Variants in DAB1 observed in about 807,000 individuals in gnomAD.
DAB1 encodes the protein disabled homolog 1.
A neutral mutation model predicts 64.6 loss-of-function variants in DAB1; 15 were observed. The ratio of observed to expected loss-of-function variants is 0.23; its 90% confidence interval spans 0.16 to 0.36. The LOEUF (loss-of-function observed/expected upper bound fraction) is 0.36, where lower values mean the gene tolerates loss of function less well. Ranked by LOEUF, DAB1 falls within the 10% of genes least tolerant of loss-of-function variation. The pLI, the probability that DAB1 is intolerant of heterozygous loss-of-function variation, is 1.00. For synonymous variants in DAB1, 235 were observed against 251.9 expected (o/e 0.93, Z 0.64); for missense variants, 596 against 706.7 (o/e 0.84, Z 1.78).
intron 7 of DAB1, among the ~76,000 whole-genome samples, chr1:57,468,202 A>C (rs1180296919): frequency 7.9e-5 from 12 of 152,164 alleles, no homozygotes; most frequent in Non-Finnish European, 1.6e-4. Flanking sequence ...GAGCTCAGTG[A>C]GTGAGTCAAG....
chr1:57,931,611 T>C (rs1644954136), intron 5 of DAB1, among the ~76,000 whole-genome samples: 1 of 152,212 alleles, frequency 6.6e-6, no homozygotes, highest in Non-Finnish European at 1.5e-5. Context: ...ATCCATTTCA[T>C]CTAGGCTATC....
At chr1:58,526,095 CAA>C (rs1231447237) in intron 2 of DAB1, among the ~76,000 whole-genome samples, 1 of 151,960 alleles carries the variant, frequency 6.6e-6, no homozygotes, top group Non-Finnish European at 1.5e-5. Context: ...CTGAGATAAA[CAA>C]AGATTTCCTA....
At chr1:57,094,193 T>A (rs1208530588) in intron 4 of DAB1, among the ~76,000 whole-genome samples, 1 of 151,668 alleles carries the variant, frequency 6.6e-6, no homozygotes, top group African/African-American at 2.4e-5. Flanking sequence ...CTGAATGTGG[T>A]TTCTCTCACT....
intron 4 of DAB1, among the ~76,000 whole-genome samples, chr1:58,286,090 T>C (rs1217983006): frequency 9.0e-6 from 1 of 110,886 alleles, no homozygotes; most frequent in Non-Finnish European, 1.9e-5. Context: ...TAATAAATGG[T>C]GCTGGGAAAA....
intron 5 of DAB1, among the ~76,000 whole-genome samples, chr1:58,049,986 T>C (rs1647533012): frequency 6.6e-6 from 1 of 152,142 alleles, no homozygotes. Context: ...GTATGGAATC[T>C]CATGCAGGGA....
At chr1:57,798,228 T>G (rs1431135863) in intron 6 of DAB1, among the ~76,000 whole-genome samples, 1 of 152,172 alleles carries the variant, frequency 6.6e-6, no homozygotes, top group African/African-American at 2.4e-5. Flanking sequence ...AGGCCAATGA[T>G]GTAAGGTTGG....
intron 3 of DAB1, among the ~76,000 whole-genome samples, chr1:58,358,162 T>G (rs1037072331): frequency 6.6e-5 from 10 of 152,198 alleles, no homozygotes; most frequent in African/African-American, 2.4e-4. Context: ...ACTACCTTTA[T>G]GCAGATGGTA....
At chr1:58,246,064 C>T (rs1439847604) in intron 4 of DAB1, among the ~76,000 whole-genome samples, 1 of 151,838 alleles carries the variant, frequency 6.6e-6, no homozygotes, top group Non-Finnish European at 1.5e-5. Context: ...GGGGTTGTCA[C>T]TTTTTATTTT....
At chr1:57,665,246 G>A (rs1388345596) in intron 6 of DAB1, among the ~76,000 whole-genome samples, 1 of 152,042 alleles carries the variant, frequency 6.6e-6, no homozygotes, top group Admixed American at 6.5e-5. Flanking sequence ...TGTGGAAGTA[G>A]TCAAGTTTGG....
At chr1:57,421,957 C>T (rs745832363) in intron 1 of DAB1, among the ~76,000 whole-genome samples, 29 of 147,070 alleles carry the variant, frequency 2.0e-4, no homozygotes, top group South Asian at 4.4e-4. Context: ...TCCGAACCCC[C>T]ATCTATCTTA....
chr1:58,196,286 A>G lies in DAB1; in HGVS notation n.310-45698T>C, dbSNP rs1657673136. On this transcript the variant is annotated intron_variant and non_coding_transcript_variant, in intron 4 of 20. Transcript: ENST00000485760. Reference sequence around the variant, plus strand: ...ATTTAGAAAAGTTGGAGCACCAAGTATGAGGAAGGGTCCCAGGAGGAAACA... The same window carrying G: ...ATTTAGAAAAGTTGGAGCACCAAGTGTGAGGAAGGGTCCCAGGAGGAAACA... Among the ~76,000 whole-genome samples the G allele has an allele frequency of 2.6e-5, 4 of 152,356 alleles. 1 individual carries two copies. The South Asian group carries it at 8.3e-4, about 32-fold the overall frequency.
chr1:57,815,422 C>T (rs924802773), intron 6 of DAB1, among the ~76,000 whole-genome samples: 1 of 152,094 alleles, frequency 6.6e-6, no homozygotes. Flanking sequence ...ATAGAATGAA[C>T]TGGACTGGAC....
chr1:57,674,327 CA>C (rs1348701691), intron 6 of DAB1, among the ~76,000 whole-genome samples: 6 of 152,134 alleles, frequency 3.9e-5, no homozygotes, highest in African/African-American at 1.2e-4. Context: ...TATGGATGAG[CA>C]AATTGACACT....
chr1:57,226,672 A>AAATATATAT (rs747021990), intron 2 of DAB1, among the ~76,000 whole-genome samples: 18 of 136,016 alleles, frequency 1.3e-4, no homozygotes, highest in African/African-American at 5.3e-4. Flanking sequence ...TTAAAAAAAA[A>AAATATATAT]ATATATATAT....
intron 9 of DAB1, among the ~76,000 whole-genome samples, chr1:57,057,757 G>A (rs1185990006): frequency 1.4e-5 from 2 of 145,072 alleles, no homozygotes; most frequent in South Asian, 4.6e-4. Context: ...ACAGGTGCCT[G>A]CCACCATGCC....
intron 7 of DAB1, among the ~76,000 whole-genome samples, chr1:57,442,704 A>C (rs769590789): frequency 1.3e-5 from 2 of 152,224 alleles, no homozygotes; most frequent in Non-Finnish European, 2.9e-5. Flanking sequence ...GTGGAAAGAC[A>C]CAGCTGGGAT....
intron 11 of DAB1, among the ~76,000 whole-genome samples, chr1:57,021,212 T>C (rs971397224): frequency 6.6e-6 from 1 of 152,144 alleles, no homozygotes; most frequent in African/African-American, 2.4e-5. Flanking sequence ...TTTTAGCAGC[T>C]AAAGAAAGGA....
At chr1:57,591,421 C>A (rs928416808) in intron 7 of DAB1, among the ~76,000 whole-genome samples, 10 of 152,118 alleles carry the variant, frequency 6.6e-5, no homozygotes, top group African/African-American at 2.2e-4. Flanking sequence ...AAGGAATGGA[C>A]CAGCCAAAAT....
chr1:58,197,550 C>T (rs910822957), intron 4 of DAB1, among the ~76,000 whole-genome samples: 1 of 151,888 alleles, frequency 6.6e-6, no homozygotes, highest in Admixed American at 6.6e-5. Flanking sequence ...CGCCACTACA[C>T]CCAGCTAGTT....
Sources: gnomAD v4.1 joint callset for allele counts (sites outside exome capture counted in the v4.1 genomes callset) on GRCh38, gnomAD v4.1.1 for gene constraint, MANE v1.5 for transcripts, NCBI Gene and HGNC (gene_info 2026-07-23, HGNC 2026-07-21) for gene names.